The following ARHGAP15 variants were observed in gnomAD, a reference collection of about 807,000 sequenced individuals.
ARHGAP15 encodes the protein rho GTPase-activating protein 15.
A neutral mutation model predicts 63.7 loss-of-function variants in ARHGAP15; 51 were observed. The ratio of observed to expected loss-of-function variants is 0.80; its 90% CI spans 0.64 to 1.01. The LOEUF (loss-of-function observed/expected upper bound fraction) is 1.01. ARHGAP15 is among the 50% of genes least tolerant of loss of function. The pLI is 0.00. For synonymous variants in ARHGAP15, 191 were observed against 193.8 expected, an observed-to-expected ratio of 0.99 and a Z score of 0.12; for missense variants, 560 against 564.6, an observed-to-expected ratio of 0.99 and a Z score of 0.08.
chr2:143,140,425 T>G (rs957238213), intron 1 of ARHGAP15, among the ~76,000 whole-genome samples: 1 of 152,254 alleles, frequency 6.6e-6, no homozygotes, highest in Non-Finnish European at 1.5e-5. Context: ...CACTGACTCT[T>G]ATGCCTGAAA....
intron 6 of ARHGAP15, among the ~76,000 whole-genome samples, chr2:143,326,372 C>A (rs1684249915): frequency 1.3e-5 from 2 of 152,234 alleles, no homozygotes; most frequent in South Asian, 4.1e-4. Context: ...TCAGAGAGTT[C>A]AAATAACTTA....
At chr2:143,414,707 G>A (rs772973990) in intron 6 of ARHGAP15, among the ~76,000 whole-genome samples, 2 of 152,202 alleles carry the variant, frequency 1.3e-5, no homozygotes, top group African/African-American at 2.4e-5. Flanking sequence ...GCGAAGGCAG[G>A]TGGATCACTT....
chr2:143,414,121 T>A (rs1002487156), intron 6 of ARHGAP15, among the ~76,000 whole-genome samples: 1 of 151,272 alleles, frequency 6.6e-6, no homozygotes, highest in Non-Finnish European at 1.5e-5. Context: ...TATATGTATA[T>A]GTATACTTAT....
At chr2:143,644,097 C>A (rs1680745684) in intron 12 of ARHGAP15, among the ~76,000 whole-genome samples, 1 of 152,014 alleles carries the variant, frequency 6.6e-6, no homozygotes, top group Non-Finnish European at 1.5e-5. Context: ...TTTATTTAAT[C>A]AAAAGTGTGA....
chr2:143,592,689 C>T (rs1012926406), intron 11 of ARHGAP15, among the ~76,000 whole-genome samples: 1 of 152,176 alleles, frequency 6.6e-6, no homozygotes, highest in Non-Finnish European at 1.5e-5. Context: ...GAAGACTTAA[C>T]TCTTTAAACA....
Position 143,768,091 on chromosome 2 carries a change from G to A in ARHGAP15, c.1347G>A (p.Ala449=), listed in dbSNP as rs745731639. ...CTGAAAATGAAACAGGAAACATGGC[G>A]ATCCACATGGTCTACCAGAACCAGA... The part of the protein sequence containing the change: ...LRAENETGNM[A]IHMVYQNQIA... The change falls in exon 14 of 14, where the codon GCG becomes GCA. Residue 449 remains alanine, a synonymous_variant. Coordinates refer to ENST00000295095, the MANE Select transcript of ARHGAP15 (RefSeq NM_018460.4). The A allele has an allele frequency of 1.0e-4, 164 of 1,613,638 alleles. No individual in the cohort carries two copies. Among genetic ancestry groups the A allele is most frequent in the Middle Eastern group, 1.6e-4 (1 of 6,080 alleles).
intron 12 of ARHGAP15, among the ~76,000 whole-genome samples, chr2:143,626,420 A>T (rs1333344796): frequency 6.6e-6 from 1 of 152,104 alleles, no homozygotes; most frequent in Admixed American, 6.5e-5. Context: ...GGTCTTGCTG[A>T]CTTCAAGAAT....
chr2:143,146,752 A>T (rs1177461770), intron 1 of ARHGAP15, among the ~76,000 whole-genome samples: 1 of 152,116 alleles, frequency 6.6e-6, no homozygotes, highest in East Asian at 1.9e-4. Context: ...TGTCCTTCAC[A>T]ACAATAGACT....
intron 6 of ARHGAP15, among the ~76,000 whole-genome samples, chr2:143,276,582 A>G (rs1234831308): frequency 1.3e-5 from 2 of 152,170 alleles, no homozygotes; most frequent in Non-Finnish European, 2.9e-5. Context: ...ATATGCCTAC[A>G]TATTCCTTCT....
At chr2:143,530,003 C>T (rs1463878579) in intron 10 of ARHGAP15, among the ~76,000 whole-genome samples, 3 of 152,044 alleles carry the variant, frequency 2.0e-5, no homozygotes, top group African/African-American at 7.2e-5. Context: ...TATGATAGGG[C>T]CTCAATTCAT....
intron 10 of ARHGAP15, among the ~76,000 whole-genome samples, chr2:143,541,466 T>A (rs1199293987): frequency 6.6e-6 from 1 of 152,078 alleles, no homozygotes; most frequent in Non-Finnish European, 1.5e-5. Flanking sequence ...ATTTTTAGAG[T>A]TTCCGGTTTT....
chr2:143,215,892 G>T (rs1020275142), intron 3 of ARHGAP15, among the ~76,000 whole-genome samples: 1 of 152,150 alleles, frequency 6.6e-6, no homozygotes, highest in Non-Finnish European at 1.5e-5. Context: ...GGGTATCTTG[G>T]CAATTGACCA....
intron 13 of ARHGAP15, among the ~76,000 whole-genome samples, chr2:143,730,166 T>C (rs1272571731): frequency 6.6e-6 from 1 of 152,222 alleles, no homozygotes; most frequent in African/African-American, 2.4e-5. Flanking sequence ...TGACTGGGCA[T>C]ATACTAGAGT....
At chr2:143,527,670 C>A (rs6743218) in intron 10 of ARHGAP15, among the ~76,000 whole-genome samples, 50,631 of 151,834 alleles carry the variant, frequency 0.33, 8,656 homozygotes, top group East Asian at 0.42. Context: ...GTAAGTATAT[C>A]TTATAGAAGA....
chr2:143,135,362 G>T (rs1486916734), intron 1 of ARHGAP15, among the ~76,000 whole-genome samples: 1 of 152,060 alleles, frequency 6.6e-6, no homozygotes, highest in Admixed American at 6.6e-5. Flanking sequence ...TTTATCTTTT[G>T]CTGGTTATTA....
intron 12 of ARHGAP15, among the ~76,000 whole-genome samples, chr2:143,637,851 G>A (rs1680401122): frequency 6.6e-6 from 1 of 151,892 alleles, no homozygotes; most frequent in South Asian, 2.1e-4. Flanking sequence ...GACATGAACA[G>A]ACACTTCTCA....
chr2:143,578,264 A>G (rs1696752069), intron 11 of ARHGAP15, among the ~76,000 whole-genome samples: 1 of 138,776 alleles, frequency 7.2e-6, no homozygotes, highest in Non-Finnish European at 1.6e-5. Flanking sequence ...AAGGTCTTTT[A>G]GGCAACCAAC....
At chr2:143,662,395 C>A (rs1404363000) in intron 12 of ARHGAP15, among the ~76,000 whole-genome samples, 2 of 144,906 alleles carry the variant, frequency 1.4e-5, no homozygotes, top group Non-Finnish European at 3.0e-5. Flanking sequence ...GAAAGGACAT[C>A]CACACCAAAA....
At chr2:143,285,390 A>G (rs975151992) in intron 6 of ARHGAP15, among the ~76,000 whole-genome samples, 1 of 152,202 alleles carries the variant, frequency 6.6e-6, no homozygotes, top group Admixed American at 6.5e-5. Flanking sequence ...TGTGAAATAT[A>G]AATCAGGCAA....
Sources: gnomAD v4.1 joint callset for allele counts (sites outside exome capture counted in the v4.1 genomes callset) on GRCh38, gnomAD v4.1.1 for gene constraint, MANE v1.5 for transcripts, NCBI Gene and HGNC (gene_info 2026-07-23, HGNC 2026-07-21) for gene names.